The following FRMD6 variants were observed in gnomAD, a reference collection of about 807,000 sequenced individuals.
FRMD6 encodes the protein FERM domain-containing protein 6.
FRMD6 carries 37 observed loss-of-function variants against 73.2 expected under a neutral mutation model. The ratio of observed to expected loss-of-function variants is 0.51; its 90% CI spans 0.39 to 0.66. The LOEUF (loss-of-function observed/expected upper bound fraction) is 0.66. Among genes scored for constraint, FRMD6 ranks in the 30% least tolerant of loss-of-function variants. The pLI is 0.00. For missense variants in FRMD6, 714 were observed against 780.5 expected, an observed-to-expected ratio of 0.91 and a Z score of 1.02; for synonymous variants, 273 against 282.2, an observed-to-expected ratio of 0.97 and a Z score of 0.33.
chr14:51,472,810 G>C, the FRMD6 span, among the ~76,000 whole-genome samples: 6 of 152,144 alleles, frequency 3.9e-5, no homozygotes, highest in African/African-American at 1.4e-4. Context: ...TAGTACTCAA[G>C]CACTGAGGCG....
At chr14:51,545,060 A>G (rs1449801289) in intron 1 of FRMD6, among the ~76,000 whole-genome samples, 1 of 152,154 alleles carries the variant, frequency 6.6e-6, no homozygotes, top group Non-Finnish European at 1.5e-5. Context: ...GAAACATTCC[A>G]AGAGATCACT....
At chr14:51,521,460 T>C (rs1378983509) in intron 1 of FRMD6, among the ~76,000 whole-genome samples, 1 of 152,166 alleles carries the variant, frequency 6.6e-6, no homozygotes, top group Non-Finnish European at 1.5e-5. Context: ...TATAGTGATA[T>C]ATCTCAGAGA....
chr14:51,712,684 A>T (rs983757985), intron 9 of FRMD6, 133 bp downstream of exon 9: 12 of 639,632 alleles, frequency 1.9e-5, no homozygotes, highest in Non-Finnish European at 3.1e-5. Context: ...AGAAGTTGAC[A>T]CTGAAGATAA....
intron 1 of FRMD6, among the ~76,000 whole-genome samples, chr14:51,679,550 G>C (rs933191875): frequency 6.3e-5 from 7 of 110,510 alleles, no homozygotes; most frequent in African/African-American, 2.1e-4. Context: ...TAAGTCATTT[G>C]TTTTCTTTTT....
intron 2 of FRMD6, among the ~76,000 whole-genome samples, chr14:51,590,540 G>A (rs1024267409): frequency 6.6e-6 from 1 of 152,098 alleles, no homozygotes; most frequent in Non-Finnish European, 1.5e-5. Context: ...GCATTTCTCT[G>A]TCAAGTAAGA....
At chr14:51,624,407 T>C (rs2139941348) in intron 2 of FRMD6, among the ~76,000 whole-genome samples, 1 of 152,324 alleles carries the variant, frequency 6.6e-6, no homozygotes, top group South Asian at 2.1e-4. Flanking sequence ...ATGTGAAAAG[T>C]ACTATTCAAA....
chr14:51,503,438 A>G (rs1254859950), intron 1 of FRMD6, among the ~76,000 whole-genome samples: 2 of 151,804 alleles, frequency 1.3e-5, no homozygotes, highest in Non-Finnish European at 2.9e-5. Flanking sequence ...TGCCTTTTCT[A>G]TTAGGTGCCT....
intron 1 of FRMD6, among the ~76,000 whole-genome samples, chr14:51,512,378 C>A (rs1016498148): frequency 6.6e-6 from 1 of 152,156 alleles, no homozygotes; most frequent in Non-Finnish European, 1.5e-5. Context: ...GAAAATCCTG[C>A]CACTAGAATT....
At chr14:51,605,601 T>G (rs918777713) in intron 2 of FRMD6, among the ~76,000 whole-genome samples, 1 of 152,158 alleles carries the variant, frequency 6.6e-6, no homozygotes, top group Non-Finnish European at 1.5e-5. Flanking sequence ...AGAGAGAATA[T>G]ATACCTTAAA....
At chr14:51,504,390 A>G (rs1336274027) in intron 1 of FRMD6, among the ~76,000 whole-genome samples, 2 of 152,220 alleles carry the variant, frequency 1.3e-5, no homozygotes, top group Non-Finnish European at 2.9e-5. Flanking sequence ...GGGAGGTCTC[A>G]CCCAGTCAGG....
At chr14:51,423,924 A>G in the FRMD6 span, among the ~76,000 whole-genome samples, 2 of 152,248 alleles carry the variant, frequency 1.3e-5, no homozygotes, top group East Asian at 1.9e-4. Flanking sequence ...AGTAAAATGT[A>G]TAATTCTTGA....
At chr14:51,446,381 T>C in the FRMD6 span, among the ~76,000 whole-genome samples, 1 of 150,156 alleles carries the variant, frequency 6.7e-6, no homozygotes, top group Non-Finnish European at 1.5e-5. Flanking sequence ...CCCAAGAGTA[T>C]ATGAGGGAGC....
chr14:51,641,510 ACT>A lies in FRMD6; in HGVS notation c.-146-48180_-146-48179del, dbSNP rs148426806. On this transcript the variant is annotated intron_variant, in intron 2 of 14. Transcript: ENST00000356218. ...TGATCTAGGACGAGATAAAATGTGT[ACT>A]GAACGTCTTGGGGCTGTGGGAAGAT... Among the ~76,000 whole-genome samples the A allele has an allele frequency of 5.3e-4, 81 of 152,316 alleles. No homozygotes were observed. In the East Asian group the frequency reaches 0.014, roughly 26 times the overall value.
chr14:51,603,440 T>C (rs1296559481), intron 2 of FRMD6, among the ~76,000 whole-genome samples: 2 of 152,222 alleles, frequency 1.3e-5, no homozygotes, highest in African/African-American at 4.8e-5. Context: ...CAAGTGATTT[T>C]TTTTTTCTTC....
intron 1 of FRMD6, among the ~76,000 whole-genome samples, chr14:51,525,217 A>G (rs996459292): frequency 6.6e-5 from 10 of 151,914 alleles, no homozygotes; most frequent in Admixed American, 6.6e-5. Flanking sequence ...AACAGAAGGG[A>G]AAATGAAGCT....
intron 1 of FRMD6, among the ~76,000 whole-genome samples, chr14:51,660,917 C>G (rs567093538): frequency 5.9e-4 from 89 of 152,122 alleles, no homozygotes; most frequent in Non-Finnish European, 1.2e-3. Context: ...CAGGCGGAAG[C>G]ATGCCTGATG....
chr14:51,484,487 G>T (rs980288275), upstream of FRMD6, among the ~76,000 whole-genome samples: 1 of 151,970 alleles, frequency 6.6e-6, no homozygotes, highest in Non-Finnish European at 1.5e-5. Context: ...TAACGAACAA[G>T]AAAACTTCAC....
chr14:51,600,209 A>G (rs1359075519), intron 2 of FRMD6, among the ~76,000 whole-genome samples: 5 of 152,160 alleles, frequency 3.3e-5, no homozygotes, highest in African/African-American at 1.2e-4. Flanking sequence ...GGAGTTAGTT[A>G]CTTGAACACA....
chr14:51,526,623 T>C (rs1885270246), intron 1 of FRMD6, among the ~76,000 whole-genome samples: 1 of 152,180 alleles, frequency 6.6e-6, no homozygotes, highest in East Asian at 1.9e-4. Flanking sequence ...ACTAAATTCT[T>C]GTCTGAGGCA....
Sources: allele counts gnomAD v4.1 joint callset (sites outside exome capture counted in the v4.1 genomes callset), GRCh38; gene constraint gnomAD v4.1.1; transcripts MANE v1.5; gene names NCBI Gene and HGNC (gene_info 2026-07-23, HGNC 2026-07-21).